Variants in SHC2 observed in about 807,000 individuals in gnomAD.
SHC2 encodes the protein SHC-transforming protein 2.
A neutral mutation model predicts 60.6 loss-of-function variants in SHC2; 62 were observed. The observed-to-expected ratio is 1.02, with a 90% CI of 0.83 to 1.26. The LOEUF is 1.26. Among genes scored for constraint, SHC2 ranks in the 50% most tolerant of loss-of-function variants. The pLI is 0.00. For synonymous variants in SHC2, 375 were observed against 372.4 expected (o/e 1.01, Z -0.08); for missense variants, 873 against 822.2 (o/e 1.06, Z -0.76).
chr19:436,481 T>C (rs1251728982), intron 5 of SHC2, 50 bp from the exon 6 acceptor site: 5 of 1,599,722 alleles, frequency 3.1e-6, no homozygotes, highest in Non-Finnish European at 4.3e-6. Flanking sequence ...CCCACCGGGA[T>C]TCCCAGCTGC....
At position 434,823 on chromosome 19, in the gene SHC2, GTCC is replaced by G; in HGVS notation, c.993_995del (p.Glu331del). ...TGTTGTAGTAATTGTGCTCCAAAGA[GTCC>G]TCCTCGTCCCCCCAGGCCGACTCCT... On this transcript the variant is annotated inframe_deletion, in exon 8 of 13. Transcript: ENST00000264554. 6.2e-7 allele frequency: 1 copy of G among 1,612,534 alleles called. No individual in the cohort carries two copies. The highest frequency in any genetic ancestry group is 1.3e-5 in the African/African-American group (1 of 75,044).
intron 1 of SHC2, among the ~76,000 whole-genome samples, chr19:444,791 C>A (rs1975011968): frequency 6.6e-6 from 1 of 152,228 alleles, no homozygotes; most frequent in South Asian, 2.1e-4. Flanking sequence ...ATGATACCAA[C>A]ACCTCGCTAA....
Position 440,025 on chromosome 19 carries a change from C to CAAAA in SHC2, c.539+833_539+836dup, listed in dbSNP as rs60912837. On this transcript the variant is annotated intron_variant, in intron 2 of 12. Coordinates refer to ENST00000264554, the MANE Select transcript of SHC2 (RefSeq NM_012435.3). This position sits in a 1 kb window ranked among gnomAD's most constrained non-coding sequence, Gnocchi z 7.0. ...TGGGCAACAGAGTGAGACTCCATCT[C>CAAAA]AAAAAAAAAAAAAAAAAAGGAGCAA... is the stretch of plus-strand genomic sequence containing the variant. Among the ~76,000 whole-genome samples, 2 of 66,426 alleles carry CAAAA rather than the reference C, an allele frequency of 3.0e-5. No individual in the cohort carries two copies. Among genetic ancestry groups the CAAAA allele is most frequent in the South Asian group, 5.0e-4 (1 of 2,016 alleles). 43.6% of individuals were successfully genotyped at this position (66,426 alleles called of 152,430 possible).
At chr19:454,973 G>A (rs900064766) in intron 1 of SHC2, among the ~76,000 whole-genome samples, 5 of 152,144 alleles carry the variant, frequency 3.3e-5, no homozygotes, top group South Asian at 4.1e-4. Flanking sequence ...ATCCTGTCCC[G>A]CGTCCTTCTC....
At position 453,971 on chromosome 19, in the gene SHC2, G is replaced by A. The variant is rs1329524409; in HGVS notation, c.468+6558C>T. The stretch of plus-strand genomic sequence containing the variant: ...GGTACGTGTGGGAGAACACGGGGTC[G>A]GTGTCCACAGACCTTGGCACGAACT... On this transcript the variant is annotated intron_variant, in intron 1 of 12. Coordinates refer to ENST00000264554, the MANE Select transcript of SHC2 (RefSeq NM_012435.3). This position sits in a 1 kb window ranked among gnomAD's most constrained non-coding sequence, Gnocchi z 6.3. 6.6e-6 allele frequency among the ~76,000 whole-genome samples: 1 copy of A among 152,202 alleles called. No homozygotes were observed. Among genetic ancestry groups the A allele is most frequent in the East Asian group, 1.9e-4 (1 of 5,188 alleles).
chr19:445,071 G>A lies in SHC2; in HGVS notation c.469-4139C>T, dbSNP rs572229109. On this transcript the variant is annotated intron_variant, in intron 1 of 12. Coordinates refer to ENST00000264554, the MANE Select transcript of SHC2 (RefSeq NM_012435.3). The surrounding 1 kb of genome is among the most constrained non-coding windows in gnomAD (Gnocchi z 4.4). ...CACTGCATGTCCCACGCTCCACGGC[G>A]CCCAGTGCTGCCGGCCATGTGCTTT... Among the ~76,000 whole-genome samples the A allele has an allele frequency of 3.3e-4, 50 of 152,368 alleles. No homozygotes were observed. The highest frequency in any genetic ancestry group is 9.4e-4 in the African/African-American group (39 of 41,588).
Position 440,430 on chromosome 19 carries a change from G to A in SHC2, c.539+432C>T, listed in dbSNP as rs935578495. 1.1e-4 allele frequency among the ~76,000 whole-genome samples: 16 copies of A among 152,076 alleles called. No individual in the cohort carries two copies. Among genetic ancestry groups the A allele is most frequent in the African/African-American group, 1.7e-4 (7 of 41,388 alleles). On this transcript the variant is annotated intron_variant, in intron 2 of 12. Coordinates refer to ENST00000264554, the MANE Select transcript of SHC2 (RefSeq NM_012435.3). This position sits in a 1 kb window ranked among gnomAD's most constrained non-coding sequence, Gnocchi z 7.0. ...AGTTTTCACAGAAAAAAAGGGTGTC[G>A]CTCTCTTCCCTGCTTAAGCCCTGGC... is the stretch of plus-strand genomic sequence containing the variant.
In SHC2 at chr19:418,953, C is replaced by T. The variant is rs749936919; in HGVS notation, c.1724G>A (p.Arg575His). Residue 575 changes from arginine to histidine, a missense_variant, in exon 12 of 13, where the codon CGT becomes CAT. By Grantham distance (29) the Arg-to-His change is conservative. Coordinates refer to ENST00000264554, the MANE Select transcript of SHC2 (RefSeq NM_012435.3). ...TCAGGGCTCCCGTGAGACCACGCCA[C>T]GCAGGTGCAGCTCACTCTCGGCGGC... ...IVAAESELHLRGVVSREP is the reference protein window; with the variant it reads ...IVAAESELHLHGVVSREP 5.0e-6 allele frequency: 8 copies of T among 1,588,422 alleles called. No homozygotes were observed. The highest frequency in any genetic ancestry group is 1.8e-5 in the Admixed American group (1 of 56,542).
chr19:443,367 C>CGGAT (rs1243614006), intron 1 of SHC2, among the ~76,000 whole-genome samples: 2 of 64,954 alleles, frequency 3.1e-5, no homozygotes, highest in Admixed American at 1.5e-4. Context: ...GGTGGATGGA[C>CGGAT]GGATGGATGG....
At chr19:443,527 CAGAT>C (rs373313225) in intron 1 of SHC2, among the ~76,000 whole-genome samples, 1,700 of 58,852 alleles carry the variant, frequency 0.029, 78 homozygotes, top group African/African-American at 0.088. Context: ...GATGGATGGA[CAGAT>C]GGATGGATGG....
Position 429,721 on chromosome 19 carries a change from G to A in SHC2, c.1174+963C>T, listed in dbSNP as rs186272082. On this transcript the variant is annotated intron_variant, in intron 9 of 12. Transcript: ENST00000264554. ...CATGCACGGAAACCTAACACCGTGT[G>A]GATGACGCAGTACCTATACCCAACA... 3.8e-3 allele frequency among the ~76,000 whole-genome samples: 547 copies of A among 145,358 alleles called. 3 individuals carry two copies. Among genetic ancestry groups the A allele is most frequent in the African/African-American group, 0.013 (514 of 38,944 alleles).
intron 1 of SHC2, among the ~76,000 whole-genome samples, chr19:458,778 CGGGGAGGCGGAAGCGGGTCCT>C (rs1206159535): frequency 0.022 from 2,167 of 100,044 alleles, 65 homozygotes; most frequent in African/African-American, 0.08. Context: ...AGGCGGGTTC[CGGGGAGGCGGAAGCGGGTCCT>C]GGGGAGGCGG....
rs1170636655 is a variant in SHC2 at position 458,322 on chromosome 19, GGAAGCGGGTTCCGGGGAGACA to G, written c.468+2186_468+2206del. ...AGGCGGAAGCGGGTCTTGGGGAGGC[GGAAGCGGGTTCCGGGGAGACA>G]GAAGCGGGTTCCGGGGAGGCGGAAG... is the stretch of plus-strand genomic sequence containing the variant. On this transcript the variant is annotated intron_variant, in intron 1 of 12. Transcript: ENST00000264554. Among the ~76,000 whole-genome samples the G allele has an allele frequency of 5.1e-5, 6 of 117,260 alleles. No homozygotes were observed. In the South Asian group the frequency reaches 1.3e-3, roughly 26 times the overall value. The allele number at this position is 117,260 out of a possible 152,430, so 76.9% of individuals were successfully genotyped here.
At chr19:434,256 GTGAGTGAGATCA>G (rs1256180848) in intron 8 of SHC2, among the ~76,000 whole-genome samples, 7,419 of 117,660 alleles carry the variant, frequency 0.063, 595 homozygotes, top group African/African-American at 0.21. Flanking sequence ...GAGATCATGA[GTGAGTGAGATCA>G]TGAGTGAGAT....
rs79217691 is a variant in SHC2, at chr19:441,373, C to G, written c.469-441G>C. ...CAGCCACAGATGCACACACTGCTGG[C>G]CTCGCCCTCCACAGGAAGTTTGCGG... On this transcript the variant is annotated intron_variant, in intron 1 of 12. Coordinates refer to ENST00000264554, the MANE Select transcript of SHC2 (RefSeq NM_012435.3). This position sits in a 1 kb window ranked among gnomAD's most constrained non-coding sequence, Gnocchi z 4.9. 0.021 allele frequency: 3,193 copies of G among 154,278 alleles called. 79 individuals are homozygous for G. The highest frequency in any genetic ancestry group is 0.11 in the East Asian group (590 of 5,184). The allele number at this position is 154,278 out of a possible 1,614,324, so 9.6% of individuals were successfully genotyped here. A position where few individuals can be genotyped will look rare whatever the true frequency, so the allele number is the denominator to read the frequency against.
Position 430,726 on chromosome 19 carries a change from C to T in SHC2, c.1132G>A (p.Asp378Asn). The T allele has an allele frequency of 6.2e-7, 1 of 1,613,120 alleles. No individual in the cohort carries two copies. The highest frequency in any genetic ancestry group is 8.5e-7 in the Non-Finnish European group (1 of 1,179,832). The change falls in exon 9 of 13, where the codon GAT becomes AAT. Residue 378 changes from aspartate (D) to asparagine (N), a missense_variant. Transcript: ENST00000264554. Reference sequence around the variant, plus strand: ...ACGTCCCATGGCAGGCTGCAGGCATCTCTTAGAGAAGGAGATGGGCCCTGG... The same window carrying T: ...ACGTCCCATGGCAGGCTGCAGGCATTTCTTAGAGAAGGAGATGGGCCCTGG... ...LDQGPSPSLRDACSLPWDVGS... is the reference protein window; with the variant it reads ...LDQGPSPSLRNACSLPWDVGS...
chr19:443,505 A>G (rs1414152111), intron 1 of SHC2, among the ~76,000 whole-genome samples: 122 of 68,814 alleles, frequency 1.8e-3, no homozygotes, highest in East Asian at 3.3e-3. Flanking sequence ...TGGGTGGATG[A>G]GTGGATGGGT....
chr19:441,100 T>G lies in SHC2; in HGVS notation c.469-168A>C. ...CCTCCCCCACCTCAAGGCCCAGCCTTGACACTGTCCTGCGAGCCGCCCCCT... is the reference window on the plus strand; with the variant it reads ...CCTCCCCCACCTCAAGGCCCAGCCTGGACACTGTCCTGCGAGCCGCCCCCT... On this transcript the variant is annotated intron_variant, in intron 1 of 12. Transcript: ENST00000264554. This position sits in a 1 kb window ranked among gnomAD's most constrained non-coding sequence, Gnocchi z 4.9. The G allele has an allele frequency of 1.0e-6, 1 of 982,930 alleles. No homozygotes were observed. Among genetic ancestry groups the G allele is most frequent in the Non-Finnish European group, 1.2e-6 (1 of 828,392 alleles). 60.9% of individuals were successfully genotyped at this position (982,930 alleles called of 1,614,324 possible).
intron 4 of SHC2, among the ~76,000 whole-genome samples, chr19:437,484 C>T (rs1025331181): frequency 6.6e-6 from 1 of 152,090 alleles, no homozygotes; most frequent in Non-Finnish European, 1.5e-5. Flanking sequence ...CGTCCTGAGT[C>T]CTCCCTACAG....
Sources: allele counts gnomAD v4.1 joint callset (sites outside exome capture counted in the v4.1 genomes callset), GRCh38; gene constraint gnomAD v4.1.1; non-coding constraint Gnocchi (gnomAD v3.1); transcripts MANE v1.5; gene names NCBI Gene and HGNC (gene_info 2026-07-23, HGNC 2026-07-21).